CPA6: variants seen among roughly 807,000 people sequenced by gnomAD.
The protein encoded by CPA6 is carboxypeptidase B.
In CPA6, 58 loss-of-function variants were observed where a neutral mutation model predicts 63.3. That is an observed-to-expected ratio of 0.92 (90% CI 0.74 to 1.14). The LOEUF is 1.14. Ranked by LOEUF, CPA6 falls within the 50% of genes most tolerant of loss-of-function variation. CPA6 has a pLI of 0.00. For missense variants in CPA6, 565 were observed against 526.6 expected (o/e 1.07, Z -0.71); for synonymous variants, 185 against 179.0 (o/e 1.03, Z -0.27).
intron 6 of CPA6, among the ~76,000 whole-genome samples, chr8:67,498,831 A>G (rs1170060595): frequency 5.3e-5 from 8 of 152,174 alleles, no homozygotes; most frequent in Non-Finnish European, 1.0e-4. Context: ...GATTAAAAAA[A>G]TTTGTGCTAT....
At chr8:67,641,261 A>T (rs7842446) in intron 1 of CPA6, among the ~76,000 whole-genome samples, 39,854 of 151,636 alleles carry the variant, frequency 0.26, 5,815 homozygotes, top group South Asian at 0.31. Context: ...AACAGGTTGG[A>T]TTGGATTTGG....
At position 67,537,045 on chromosome 8, in the gene CPA6, C is replaced by T. The variant is rs375767635; in HGVS notation, c.193-18998G>A. Among the ~76,000 whole-genome samples the T allele has an allele frequency of 1.4e-4, 22 of 152,196 alleles. No individual in the cohort carries two copies. The South Asian group carries it at 1.9e-3, about 13-fold the overall frequency. ...CAGACTTGCATCCCAGGGATGAAGC[C>T]GACTTGATCATGGTGGACAAGCTTT... On this transcript the variant is annotated intron_variant, in intron 2 of 10. Coordinates refer to ENST00000297770, the MANE Select transcript of CPA6 (RefSeq NM_020361.5).
intron 1 of CPA6, among the ~76,000 whole-genome samples, chr8:67,670,444 T>A (rs923750733): frequency 7.9e-5 from 12 of 152,134 alleles, no homozygotes; most frequent in Non-Finnish European, 1.6e-4. Context: ...CTGGGGGGCT[T>A]ACAATTTGCC....
At chr8:67,573,628 C>T (rs1813543788) in intron 2 of CPA6, among the ~76,000 whole-genome samples, 1 of 151,996 alleles carries the variant, frequency 6.6e-6, no homozygotes, top group Non-Finnish European at 1.5e-5. Flanking sequence ...CACGGTGGTT[C>T]ACACCTGTAA....
At chr8:67,479,647 C>T (rs1156462722) in intron 8 of CPA6, among the ~76,000 whole-genome samples, 4 of 152,096 alleles carry the variant, frequency 2.6e-5, no homozygotes, top group African/African-American at 4.8e-5. Context: ...AATTGCAATC[C>T]GCTATAGGCA....
intron 1 of CPA6, among the ~76,000 whole-genome samples, chr8:67,642,309 C>G (rs1053686190): frequency 3.2e-5 from 4 of 126,976 alleles, no homozygotes; most frequent in Admixed American, 7.6e-5. Context: ...CAGAGCATGA[C>G]TCCATCTCAA....
rs569269735 is a variant in CPA6 at position 67,687,146 on chromosome 8, T to C, written c.116+58868A>G. 2.6e-5 allele frequency among the ~76,000 whole-genome samples: 4 copies of C among 152,220 alleles called. No individual in the cohort carries two copies. In the East Asian group the frequency reaches 7.7e-4, roughly 29 times the overall value. Reference sequence around the variant, plus strand: ...AAAATAGCAAATTAATTGGGATAAATAATAGGAATCTCACAGCATTTTTCT... The same window carrying C: ...AAAATAGCAAATTAATTGGGATAAACAATAGGAATCTCACAGCATTTTTCT... On this transcript the variant is annotated intron_variant, in intron 1 of 10. Coordinates refer to ENST00000297770, the MANE Select transcript of CPA6 (RefSeq NM_020361.5).
At chr8:67,697,761 C>T (rs184837889) in intron 1 of CPA6, among the ~76,000 whole-genome samples, 3 of 119,182 alleles carry the variant, frequency 2.5e-5, no homozygotes, top group East Asian at 2.1e-4. Context: ...ATGTTGCAGT[C>T]GCAGGAAAAA....
intron 2 of CPA6, among the ~76,000 whole-genome samples, chr8:67,561,667 T>C (rs746957176): frequency 6.6e-6 from 1 of 152,136 alleles, no homozygotes; most frequent in Non-Finnish European, 1.5e-5. Flanking sequence ...ATTGGGAGAA[T>C]TGGTGAAGGT....
intron 1 of CPA6, among the ~76,000 whole-genome samples, chr8:67,689,065 C>CA (rs1428695950): frequency 1.3e-5 from 2 of 151,958 alleles, no homozygotes; most frequent in Non-Finnish European, 2.9e-5. Context: ...CTCTAACCTC[C>CA]ACCTCCTGGG....
intron 2 of CPA6, among the ~76,000 whole-genome samples, chr8:67,553,013 C>A (rs1264617946): frequency 6.6e-6 from 1 of 151,888 alleles, no homozygotes; most frequent in African/African-American, 2.4e-5. Context: ...TCATGACATC[C>A]CCTTTTAAAA....
chr8:67,581,089 C>T (rs1813759711), intron 2 of CPA6, among the ~76,000 whole-genome samples: 1 of 152,076 alleles, frequency 6.6e-6, no homozygotes, highest in African/African-American at 2.4e-5. Context: ...GATGTCTTGA[C>T]TGAAATGTGC....
intron 2 of CPA6, among the ~76,000 whole-genome samples, chr8:67,621,180 G>A (rs1294957363): frequency 1.3e-5 from 2 of 152,162 alleles, no homozygotes; most frequent in African/African-American, 2.4e-5. Flanking sequence ...ATTGGGAGAG[G>A]CCTCTTGGAA....
At chr8:67,444,759 G>C (rs1170660130) in intron 8 of CPA6, among the ~76,000 whole-genome samples, 1 of 145,614 alleles carries the variant, frequency 6.9e-6, no homozygotes, top group Admixed American at 6.9e-5. Context: ...GCAACAGAGC[G>C]AGACTCTGTC....
At chr8:67,547,502 T>C (rs1812843661) in intron 2 of CPA6, among the ~76,000 whole-genome samples, 1 of 123,986 alleles carries the variant, frequency 8.1e-6, no homozygotes, top group Admixed American at 7.5e-5. Context: ...ATTATAGTCT[T>C]TTTTTTTTTT....
intron 8 of CPA6, among the ~76,000 whole-genome samples, chr8:67,438,367 A>G (rs1157814848): frequency 5.9e-5 from 9 of 152,196 alleles, no homozygotes. Flanking sequence ...GTCATTTAGA[A>G]AGGAACAAGA....
At chr8:67,502,604 A>G (rs564998915) in intron 6 of CPA6, among the ~76,000 whole-genome samples, 30 of 152,320 alleles carry the variant, frequency 2.0e-4, no homozygotes, top group Admixed American at 1.4e-3. Context: ...CTTTTCTAAC[A>G]TATACCTTTA....
intron 8 of CPA6, among the ~76,000 whole-genome samples, chr8:67,469,278 G>T (rs1242859260): frequency 6.6e-6 from 1 of 152,048 alleles, no homozygotes; most frequent in South Asian, 2.1e-4. Flanking sequence ...CCATAAAGTG[G>T]GTGGGCCTCA....
intron 1 of CPA6, among the ~76,000 whole-genome samples, chr8:67,626,005 T>C (rs996206135): frequency 3.3e-5 from 5 of 151,464 alleles, no homozygotes; most frequent in African/African-American, 1.2e-4. Flanking sequence ...CAAGATCTGA[T>C]GGTTTAAAAG....
Sources: allele counts gnomAD v4.1 joint callset (sites outside exome capture counted in the v4.1 genomes callset), GRCh38; gene constraint gnomAD v4.1.1; transcripts MANE v1.5; gene names NCBI Gene and HGNC (gene_info 2026-07-23, HGNC 2026-07-21).